The following FSTL1 variants were observed in gnomAD, a reference collection of about 807,000 sequenced individuals.
The protein encoded by FSTL1 is follistatin-related protein 1.
In FSTL1, 24 loss-of-function variants were observed where a neutral mutation model predicts 45.9. That is an observed-to-expected ratio of 0.52 (90% CI 0.38 to 0.74). The LOEUF (loss-of-function observed/expected upper bound fraction) is 0.74, where lower values mean the gene tolerates loss of function less well. Among genes scored for constraint, FSTL1 ranks in the 30% least tolerant of loss-of-function variants. The pLI, the probability that FSTL1 is intolerant of heterozygous loss-of-function variation, is 0.00. For missense variants in FSTL1, 340 were observed against 381.8 expected, an observed-to-expected ratio of 0.89 and a Z score of 0.91; for synonymous variants, 120 against 137.6, an observed-to-expected ratio of 0.87 and a Z score of 0.89.
At chr3:120,426,762 C>A (rs374733608) in intron 2 of FSTL1, among the ~76,000 whole-genome samples, 1 of 152,332 alleles carries the variant, frequency 6.6e-6, no homozygotes, top group African/African-American at 2.4e-5. Flanking sequence ...TGCCTTCTAC[C>A]TGGGCACTGT....
chr3:120,440,254 C>T (rs1937614527), intron 2 of FSTL1, among the ~76,000 whole-genome samples: 1 of 152,248 alleles, frequency 6.6e-6, no homozygotes, highest in Non-Finnish European at 1.5e-5. Context: ...AAATGGAGGT[C>T]ATGCCTGCCA....
chr3:120,415,979 C>G lies in FSTL1; in HGVS notation c.112G>C (p.Ala38Pro). ...TCTGTGACTGCACATTCCCGGCCGG[C>G]TCCACAAAACACATTGGCACAGATC... ...SKICANVFCGAGRECAVTEKG... is the reference protein window; with the variant it reads ...SKICANVFCGPGRECAVTEKG... Residue 38 changes from alanine (A) to proline (P), a missense_variant, in exon 3 of 11, where the codon GCC becomes CCC. Ala to Pro is a conservative substitution (Grantham distance 27). Coordinates refer to ENST00000295633, the MANE Select transcript of FSTL1 (RefSeq NM_007085.5). The G allele has an allele frequency of 6.2e-7, 1 of 1,614,046 alleles. No homozygotes were observed. Among genetic ancestry groups the G allele is most frequent in the Non-Finnish European group, 8.5e-7 (1 of 1,179,896 alleles).
At chr3:120,414,390 G>C (rs567108563) in intron 3 of FSTL1, among the ~76,000 whole-genome samples, 3 of 146,732 alleles carry the variant, frequency 2.0e-5, no homozygotes, top group East Asian at 2.0e-4. Context: ...GTCTCTGCCC[G>C]GCCGCCCATC....
At chr3:120,439,060 A>G (rs1281279819) in intron 2 of FSTL1, among the ~76,000 whole-genome samples, 1 of 152,184 alleles carries the variant, frequency 6.6e-6, no homozygotes, top group African/African-American at 2.4e-5. Flanking sequence ...ATTGTGCTAA[A>G]AAGGCACAGA....
chr3:120,404,793 T>C (rs761373864), intron 7 of FSTL1, 60 bp downstream of exon 7: 7 of 895,896 alleles, frequency 7.8e-6, no homozygotes, highest in Non-Finnish European at 1.3e-5. Flanking sequence ...AGGGTTTAAG[T>C]CCCCTCTCTC....
intron 10 of FSTL1, among the ~76,000 whole-genome samples, chr3:120,397,346 C>CA (rs1483673769): frequency 6.6e-6 from 1 of 152,216 alleles, no homozygotes; most frequent in Non-Finnish European, 1.5e-5. Flanking sequence ...GTGTTAAGTA[C>CA]AACAGGTTCT....
intron 2 of FSTL1, among the ~76,000 whole-genome samples, chr3:120,447,616 C>T (rs981336973): frequency 2.0e-5 from 3 of 152,176 alleles, no homozygotes; most frequent in African/African-American, 7.2e-5. Context: ...CCATGGAACA[C>T]ATTCAAAACA....
At chr3:120,404,356 A>G (rs1936904923) in intron 7 of FSTL1, among the ~76,000 whole-genome samples, 1 of 152,264 alleles carries the variant, frequency 6.6e-6, no homozygotes, top group Non-Finnish European at 1.5e-5. Context: ...AACCACATCA[A>G]AAGTTTCTTA....
intron 2 of FSTL1, among the ~76,000 whole-genome samples, chr3:120,440,480 C>T (rs1003247735): frequency 2.6e-5 from 4 of 152,186 alleles, no homozygotes; most frequent in African/African-American, 4.8e-5. Context: ...CTCCTGGAAG[C>T]GCTCCTGAGC....
chr3:120,399,450 G>A (rs968013455), intron 10 of FSTL1, among the ~76,000 whole-genome samples: 4 of 152,208 alleles, frequency 2.6e-5, no homozygotes, highest in South Asian at 4.1e-4. Context: ...TGCTCACTGA[G>A]TGCTGACTAC....
Position 120,396,663 on chromosome 3 carries a change from T to A in FSTL1, c.*289A>T, listed in dbSNP as rs1936707405. On this transcript the variant is annotated 3_prime_UTR_variant, in exon 11 of 11. Transcript: ENST00000295633. ...AGTAAACTCAAAAGAGGTTCAGATT[T>A]GGGTCTGTTCCTCTTTCAATCGTGA... The A allele has an allele frequency of 2.6e-6, 1 of 381,768 alleles. No homozygotes were observed. Among genetic ancestry groups the A allele is most frequent in the Non-Finnish European group, 4.7e-6 (1 of 211,626 alleles). The allele number at this position is 381,768 out of a possible 1,614,324, so 23.6% of individuals were successfully genotyped here.
chr3:120,449,578 A>G (rs1576231454), intron 2 of FSTL1, among the ~76,000 whole-genome samples: 1 of 152,250 alleles, frequency 6.6e-6, no homozygotes, highest in African/African-American at 2.4e-5. Flanking sequence ...CAGTAAAAAC[A>G]GTTGATTGAG....
chr3:120,404,960 A>G lies in FSTL1; in HGVS notation c.474T>C (p.Asn158=). The change falls in exon 7 of 11, where the codon AAT becomes AAC. Residue 158 remains asparagine, a synonymous_variant. Transcript: ENST00000295633. Reference sequence around the variant, plus strand: ...CACTGGAGTCCAGGCGAGAATCACCATTATCAAAGTTCTAGAAAGGGCATG... The same window carrying G: ...CACTGGAGTCCAGGCGAGAATCACCGTTATCAAAGTTCTAGAAAGGGCATG... ...ILDKYFKNFD[N]GDSRLDSSEF... 6.4e-7 allele frequency: 1 copy of G among 1,567,104 alleles called. No individual in the cohort carries two copies.
intron 2 of FSTL1, among the ~76,000 whole-genome samples, chr3:120,420,588 A>T (rs1034368414): frequency 6.6e-6 from 1 of 152,200 alleles, no homozygotes; most frequent in Non-Finnish European, 1.5e-5. Flanking sequence ...TAGAAGACAG[A>T]CTGGGAACAT....
chr3:120,402,951 G>T, intron 8 of FSTL1, 33 bp from the exon 9 acceptor site: 2 of 1,368,204 alleles, frequency 1.5e-6, no homozygotes, highest in East Asian at 2.3e-5. Context: ...CAACAGTTTA[G>T]CTGTGAGGGT....
chr3:120,404,977 A>C lies in FSTL1; in HGVS notation c.463-6T>G, dbSNP rs771918360. 2 of 1,428,958 alleles carry C rather than the reference A, an allele frequency of 1.4e-6. No individual in the cohort carries two copies. Among genetic ancestry groups the C allele is most frequent in the African/African-American group, 1.4e-5 (1 of 71,456 alleles). The allele number at this position is 1,428,958 out of a possible 1,614,324, so 88.5% of individuals were successfully genotyped here. A position where few individuals can be genotyped will look rare whatever the true frequency, so the allele number is the denominator to read the frequency against. On this transcript the variant is annotated splice_polypyrimidine_tract_variant and splice_region_variant and intron_variant, in intron 6 of 10. Transcript: ENST00000295633. ...GAATCACCATTATCAAAGTTCTAGA[A>C]AGGGCATGACAAGATCGTTCAGGGA...
intron 2 of FSTL1, among the ~76,000 whole-genome samples, chr3:120,416,998 G>A (rs34446218): frequency 0.34 from 51,671 of 152,018 alleles, 9,254 homozygotes; most frequent in Admixed American, 0.38. Context: ...AGTGGTGGTT[G>A]CATGAAGGAG....
At chr3:120,441,953 CTAAGCCATTA>C (rs1317094807) in intron 2 of FSTL1, among the ~76,000 whole-genome samples, 1 of 152,182 alleles carries the variant, frequency 6.6e-6, no homozygotes, top group Non-Finnish European at 1.5e-5. Flanking sequence ...GGTCTGAGCG[CTAAGCCATTA>C]TGTTATACTT....
intron 1 of FSTL1, 21 bp from the exon 2 acceptor site, chr3:120,450,767 C>G: frequency 1.3e-6 from 2 of 1,561,006 alleles, no homozygotes; most frequent in Non-Finnish European, 1.7e-6. Context: ...GAGAAGAGAG[C>G]GAGTCTGAAG....
Sources: gnomAD v4.1 joint callset for allele counts (sites outside exome capture counted in the v4.1 genomes callset) on GRCh38, gnomAD v4.1.1 for gene constraint, MANE v1.5 for transcripts, NCBI Gene and HGNC (gene_info 2026-07-23, HGNC 2026-07-21) for gene names.